Variants in GALNTL6 observed in about 807,000 individuals in gnomAD.
GALNTL6 encodes the protein polypeptide N-acetylgalactosaminyltransferase like 6, also known as polypeptide N-acetylgalactosaminyltransferase-like 6.
GALNTL6 carries 46 observed loss-of-function variants against 73.7 expected under a neutral mutation model. The observed-to-expected ratio is 0.62, with a 90% CI of 0.49 to 0.80. The LOEUF (loss-of-function observed/expected upper bound fraction) is 0.80. Among genes scored for constraint, GALNTL6 ranks in the 30% least tolerant of loss-of-function variants. The pLI, the probability that GALNTL6 is intolerant of heterozygous loss-of-function variation, is 0.00. For synonymous variants in GALNTL6, 259 were observed against 263.7 expected (o/e 0.98, Z 0.17); for missense variants, 604 against 755.0 (o/e 0.80, Z 2.34).
chr4:172,618,973 C>G (rs965840711), intron 5 of GALNTL6, among the ~76,000 whole-genome samples: 2 of 152,230 alleles, frequency 1.3e-5, no homozygotes, highest in East Asian at 1.9e-4. Flanking sequence ...CCGCCTGCCT[C>G]GGCCTTCCAA....
At chr4:171,905,838 C>G (rs1368985290) in intron 2 of GALNTL6, among the ~76,000 whole-genome samples, 1 of 151,500 alleles carries the variant, frequency 6.6e-6, no homozygotes, top group African/African-American at 2.4e-5. Flanking sequence ...GATTAAGAAT[C>G]TCACTCAAAA....
intron 2 of GALNTL6, among the ~76,000 whole-genome samples, chr4:172,072,978 A>G (rs1473050029): frequency 6.6e-6 from 1 of 152,198 alleles, no homozygotes; most frequent in South Asian, 2.1e-4. Flanking sequence ...ACGTGATCTT[A>G]TACCTGCCTA....
At position 172,026,128 on chromosome 4, in the gene GALNTL6, C is replaced by T. The variant is rs115136705; in HGVS notation, c.139-203528C>T. Among the ~76,000 whole-genome samples, 506 of 151,970 alleles carry T rather than the reference C, an allele frequency of 3.3e-3. 3 individuals are homozygous for T. The highest frequency in any genetic ancestry group is 0.017 in the Middle Eastern group (5 of 292). On this transcript the variant is annotated intron_variant, in intron 2 of 12. Coordinates refer to ENST00000506823, the MANE Select transcript of GALNTL6 (RefSeq NM_001034845.3). Reference sequence around the variant, plus strand: ...AGATTTTTAAAAAATAAAGTATACACGAATCATGTAATTTGCTCACTCATA... The same window carrying T: ...AGATTTTTAAAAAATAAAGTATACATGAATCATGTAATTTGCTCACTCATA...
Position 172,089,073 on chromosome 4 carries a change from C to T in GALNTL6, c.139-140583C>T, listed in dbSNP as rs529953864. On this transcript the variant is annotated intron_variant, in intron 2 of 12. Coordinates refer to ENST00000506823, the MANE Select transcript of GALNTL6 (RefSeq NM_001034845.3). The stretch of plus-strand genomic sequence containing the variant: ...AAAGAACTCATCTAAGCACTTTTCT[C>T]CACACCCAATTAAGTCAGTTTTATT... 3.9e-5 allele frequency among the ~76,000 whole-genome samples: 6 copies of T among 152,234 alleles called. No homozygotes were observed. In the South Asian group the frequency reaches 1.0e-3, roughly 26 times the overall value.
chr4:171,896,009 C>T (rs539057709), intron 2 of GALNTL6, among the ~76,000 whole-genome samples: 2 of 151,816 alleles, frequency 1.3e-5, no homozygotes, highest in East Asian at 1.9e-4. Context: ...AACAGAAATG[C>T]TGAAAAGTAA....
intron 4 of GALNTL6, among the ~76,000 whole-genome samples, chr4:172,314,563 T>C (rs180684660): frequency 1.6e-4 from 24 of 151,302 alleles, no homozygotes; most frequent in Non-Finnish European, 2.9e-4. Context: ...ATGAAGAATA[T>C]TTAAGACAAT....
At chr4:171,835,951 T>C (rs1039076170) in intron 2 of GALNTL6, among the ~76,000 whole-genome samples, 3 of 152,086 alleles carry the variant, frequency 2.0e-5, no homozygotes, top group African/African-American at 7.2e-5. Context: ...CAATTGATAG[T>C]TGAACGAGGT....
chr4:172,200,307 A>G (rs1735911790), intron 2 of GALNTL6, among the ~76,000 whole-genome samples: 1 of 152,214 alleles, frequency 6.6e-6, no homozygotes. Context: ...TGTTTAATTT[A>G]AAGTTGGAGT....
At chr4:172,404,187 C>T (rs1161248296) in intron 5 of GALNTL6, among the ~76,000 whole-genome samples, 1 of 151,792 alleles carries the variant, frequency 6.6e-6, no homozygotes, top group African/African-American at 2.4e-5. Context: ...ATGAAGGATG[C>T]CTATAGTTAA....
intron 5 of GALNTL6, among the ~76,000 whole-genome samples, chr4:172,363,538 A>G (rs1033976199): frequency 6.6e-6 from 1 of 152,184 alleles, no homozygotes; most frequent in South Asian, 2.1e-4. Context: ...AGCCCATAAC[A>G]ATTGTTGGTT....
chr4:171,889,968 T>G (rs1489989476), intron 2 of GALNTL6, among the ~76,000 whole-genome samples: 2 of 152,146 alleles, frequency 1.3e-5, no homozygotes, highest in Admixed American at 1.3e-4. Context: ...AGCTAGCATA[T>G]AGTACCCAAC....
At chr4:172,318,520 G>T (rs577016227) in intron 4 of GALNTL6, among the ~76,000 whole-genome samples, 1 of 152,062 alleles carries the variant, frequency 6.6e-6, no homozygotes, top group African/African-American at 2.4e-5. Context: ...GGCCAACATG[G>T]TGAAACCCCG....
chr4:172,908,055 C>G (rs1747002255), intron 8 of GALNTL6, among the ~76,000 whole-genome samples: 1 of 152,132 alleles, frequency 6.6e-6, no homozygotes, highest in African/African-American at 2.4e-5. Context: ...TATCAGGTGA[C>G]CACAGGCAGA....
chr4:172,823,553 A>T (rs1742061327), intron 7 of GALNTL6, among the ~76,000 whole-genome samples: 1 of 152,184 alleles, frequency 6.6e-6, no homozygotes, highest in African/African-American at 2.4e-5. Flanking sequence ...AAGGGATGAC[A>T]GTTTTTCAGA....
At chr4:172,695,466 G>A (rs1733626235) in intron 5 of GALNTL6, among the ~76,000 whole-genome samples, 1 of 152,102 alleles carries the variant, frequency 6.6e-6, no homozygotes, top group Admixed American at 6.6e-5. Context: ...TTTTATCAAA[G>A]GCATAAATAT....
chr4:172,578,079 C>T (rs971692367), intron 5 of GALNTL6, among the ~76,000 whole-genome samples: 2 of 152,114 alleles, frequency 1.3e-5, no homozygotes, highest in African/African-American at 4.8e-5. Context: ...CCAGAAGAGA[C>T]TCATATTGAA....
intron 8 of GALNTL6, among the ~76,000 whole-genome samples, chr4:172,883,470 G>A (rs912644028): frequency 2.0e-5 from 3 of 152,172 alleles, no homozygotes; most frequent in Non-Finnish European, 4.4e-5. Flanking sequence ...GAGCCAGCAT[G>A]TCACATGGTG....
At chr4:172,764,246 C>T (rs1257638804) in intron 5 of GALNTL6, among the ~76,000 whole-genome samples, 2 of 152,150 alleles carry the variant, frequency 1.3e-5, no homozygotes, top group African/African-American at 2.4e-5. Context: ...CGCGAACCAC[C>T]GCGCCTGGCC....
intron 5 of GALNTL6, among the ~76,000 whole-genome samples, chr4:172,729,747 A>T (rs1181619253): frequency 6.6e-6 from 1 of 151,930 alleles, no homozygotes; most frequent in Non-Finnish European, 1.5e-5. Context: ...AAACTTTAGA[A>T]TTTTTTCTAT....
Sources: allele counts gnomAD v4.1 joint callset (sites outside exome capture counted in the v4.1 genomes callset), GRCh38; gene constraint gnomAD v4.1.1; transcripts MANE v1.5; gene names NCBI Gene and HGNC (gene_info 2026-07-23, HGNC 2026-07-21).